CALN1: variants seen among roughly 807,000 people sequenced by gnomAD.
CALN1 encodes calneuron 1, also known as calcium-binding protein 8.
A neutral mutation model predicts 30.6 loss-of-function variants in CALN1; 17 were observed. That is an observed-to-expected ratio of 0.56 (90% CI 0.38 to 0.83). The LOEUF (loss-of-function observed/expected upper bound fraction) is 0.83. CALN1 is among the 40% of genes least tolerant of loss of function. The pLI, the probability that CALN1 is intolerant of heterozygous loss-of-function variation, is 0.00. For missense variants in CALN1, 291 were observed against 354.9 expected (o/e 0.82, Z 1.45); for synonymous variants, 156 against 131.4 (o/e 1.19, Z -1.28).
the CALN1 span, among the ~76,000 whole-genome samples, chr7:72,501,908 C>CAAAAAAAAAAA: frequency 1.3e-3 from 33 of 24,734 alleles, 1 homozygote; most frequent in East Asian, 0.012. Context: ...GATTTCGTCT[C>CAAAAAAAAAAA]AAAAAAAAAA....
intron 3 of CALN1, among the ~76,000 whole-genome samples, chr7:72,272,010 T>G (rs1386314944): frequency 6.8e-6 from 1 of 146,550 alleles, no homozygotes; most frequent in Non-Finnish European, 1.5e-5. Context: ...TGCAGTGAGC[T>G]GAGATCGTGC....
chr7:71,882,870 G>GTC (rs1468297193), intron 5 of CALN1, among the ~76,000 whole-genome samples: 3 of 150,772 alleles, frequency 2.0e-5, no homozygotes, highest in Non-Finnish European at 1.5e-5. Flanking sequence ...GTGTGTGTGT[G>GTC]TGTGTGTGTG....
intron 3 of CALN1, among the ~76,000 whole-genome samples, chr7:72,211,679 T>A (rs1478622625): frequency 6.6e-6 from 1 of 152,208 alleles, no homozygotes; most frequent in Non-Finnish European, 1.5e-5. Context: ...TATCATTGCA[T>A]GTGCTTGTTC....
chr7:72,222,812 G>A (rs538206114), intron 3 of CALN1, among the ~76,000 whole-genome samples: 1 of 152,256 alleles, frequency 6.6e-6, no homozygotes, highest in East Asian at 1.9e-4. Flanking sequence ...CTTAAGCCCA[G>A]GAGTTCAAGA....
At position 71,813,025 on chromosome 7, in the gene CALN1, T is replaced by A. The variant is rs1207534231; in HGVS notation, c.502-2533A>T. On this transcript the variant is annotated intron_variant, in intron 5 of 6. Coordinates refer to ENST00000395275, the MANE Select transcript of CALN1 (RefSeq NM_031468.4). The stretch of plus-strand genomic sequence containing the variant: ...GTACAGTGGCGCAATCTTGGCTCAC[T>A]GCAACCTCCACCTCCCGAGTTCAAG... Among the ~76,000 whole-genome samples the A allele has an allele frequency of 2.0e-5, 3 of 151,876 alleles. No homozygotes were observed. In the East Asian group the frequency reaches 5.8e-4, roughly 29 times the overall value.
intron 2 of CALN1, among the ~76,000 whole-genome samples, chr7:72,368,449 G>T (rs1314218179): frequency 6.6e-6 from 1 of 151,782 alleles, no homozygotes; most frequent in Non-Finnish European, 1.5e-5. Flanking sequence ...GCACGACTTT[G>T]GCTTCTTTTT....
chr7:72,340,550 C>T (rs1277931971), intron 2 of CALN1, among the ~76,000 whole-genome samples: 1 of 152,198 alleles, frequency 6.6e-6, no homozygotes, highest in South Asian at 2.1e-4. Context: ...TGGTGCCCTG[C>T]AAATACATGC....
At chr7:71,802,830 C>G (rs1432158984) in intron 6 of CALN1, among the ~76,000 whole-genome samples, 1 of 152,082 alleles carries the variant, frequency 6.6e-6, no homozygotes, top group Admixed American at 6.6e-5. Flanking sequence ...GGAGACCAGC[C>G]TGGCCAACAT....
At chr7:72,168,416 T>C (rs73355355) in intron 3 of CALN1, among the ~76,000 whole-genome samples, 1,844 of 152,318 alleles carry the variant, frequency 0.012, 31 homozygotes, top group African/African-American at 0.04. Context: ...TACGTATTTA[T>C]GTTTGGCATC....
At chr7:71,820,718 T>A (rs1398469156) in intron 5 of CALN1, among the ~76,000 whole-genome samples, 2 of 152,206 alleles carry the variant, frequency 1.3e-5, no homozygotes, top group African/African-American at 2.4e-5. Flanking sequence ...ATCTGTTGAG[T>A]ATCTTTGAGT....
chr7:71,968,734 G>A (rs1227623382), intron 5 of CALN1, among the ~76,000 whole-genome samples: 6 of 150,832 alleles, frequency 4.0e-5, no homozygotes, highest in African/African-American at 4.9e-5. Context: ...TTAGATGAGT[G>A]CATAAGTTTT....
intron 5 of CALN1, among the ~76,000 whole-genome samples, chr7:71,847,513 A>T (rs973338460): frequency 1.6e-4 from 24 of 151,250 alleles, no homozygotes; most frequent in African/African-American, 5.9e-4. Context: ...CCAAAACCAA[A>T]ACCAAAAACA....
intron 4 of CALN1, among the ~76,000 whole-genome samples, chr7:72,091,325 C>T (rs1452893377): frequency 3.9e-5 from 6 of 152,104 alleles, no homozygotes; most frequent in Non-Finnish European, 5.9e-5. Flanking sequence ...AGTGAGACTC[C>T]GTCTCAAACA....
intron 3 of CALN1, among the ~76,000 whole-genome samples, chr7:72,128,682 C>T (rs112515867): frequency 2.0e-5 from 3 of 152,256 alleles, no homozygotes; most frequent in African/African-American, 7.2e-5. Flanking sequence ...ACCAGCCTGC[C>T]CAACATGGCG....
At chr7:72,153,638 G>A (rs1471252047) in intron 3 of CALN1, among the ~76,000 whole-genome samples, 7 of 151,976 alleles carry the variant, frequency 4.6e-5, no homozygotes, top group African/African-American at 1.2e-4. Flanking sequence ...GCCATGATTC[G>A]TCACTGCACC....
At chr7:72,052,919 C>A (rs1031109416) in intron 4 of CALN1, among the ~76,000 whole-genome samples, 2 of 141,194 alleles carry the variant, frequency 1.4e-5, no homozygotes, top group African/African-American at 4.9e-5. Context: ...GTGGCTCACG[C>A]CTGTAATCCC....
intron 4 of CALN1, among the ~76,000 whole-genome samples, chr7:72,048,041 C>CTTTTTTTTTTT (rs1159186115): frequency 7.8e-6 from 1 of 127,612 alleles, no homozygotes; most frequent in African/African-American, 3.0e-5. Flanking sequence ...TCTTCTTCTT[C>CTTTTTTTTTTT]TTTTTTTTTT....
intron 3 of CALN1, among the ~76,000 whole-genome samples, chr7:72,206,059 A>G (rs1791856991): frequency 6.6e-6 from 1 of 152,196 alleles, no homozygotes; most frequent in Admixed American, 6.5e-5. Context: ...TAGAGTTTTT[A>G]AAGTGAATCC....
chr7:71,904,850 A>G (rs556507922), intron 5 of CALN1, among the ~76,000 whole-genome samples: 1 of 152,332 alleles, frequency 6.6e-6, no homozygotes, highest in African/African-American at 2.4e-5. Context: ...TAAAAATGAG[A>G]AGAGTTCATA....
Sources: gnomAD v4.1 joint callset for allele counts (sites outside exome capture counted in the v4.1 genomes callset) on GRCh38, gnomAD v4.1.1 for gene constraint, MANE v1.5 for transcripts, NCBI Gene and HGNC (gene_info 2026-07-23, HGNC 2026-07-21) for gene names.